Variants in GALNT14 observed in about 807,000 individuals in gnomAD.
GALNT14 encodes UDP-GalNAc:polypeptide N-acetylgalactosaminyltransferase 14.
In GALNT14, 60 loss-of-function variants were observed where a neutral mutation model predicts 77.5. That is an observed-to-expected ratio of 0.77 (90% CI 0.63 to 0.96). The LOEUF is 0.96. GALNT14 is among the 40% of genes least tolerant of loss of function. The pLI, the probability that GALNT14 is intolerant of heterozygous loss-of-function variation, is 0.00. For synonymous variants in GALNT14, 280 were observed against 281.7 expected (o/e 0.99, Z 0.06); for missense variants, 710 against 731.0 (o/e 0.97, Z 0.33).
At chr2:31,001,350 T>A (rs917186225) in intron 1 of GALNT14, among the ~76,000 whole-genome samples, 1 of 152,028 alleles carries the variant, frequency 6.6e-6, no homozygotes, top group African/African-American at 2.4e-5. Flanking sequence ...AAATACAGGA[T>A]GCGGAAACTA....
downstream of GALNT14, among the ~76,000 whole-genome samples, chr2:30,906,601 T>A (rs1356583368): frequency 6.6e-5 from 10 of 150,582 alleles, no homozygotes; most frequent in Non-Finnish European, 1.3e-4. Context: ...CTCCCACACA[T>A]TAATAATGGG....
intron 1 of GALNT14, among the ~76,000 whole-genome samples, chr2:31,011,101 G>T (rs1255047763): frequency 6.6e-6 from 1 of 152,224 alleles, no homozygotes; most frequent in Admixed American, 6.5e-5. Flanking sequence ...GGACACCCAC[G>T]AGAGCTGGGT....
downstream of GALNT14, among the ~76,000 whole-genome samples, chr2:30,908,950 C>T (rs1012888398): frequency 6.6e-6 from 1 of 151,372 alleles, no homozygotes; most frequent in Non-Finnish European, 1.5e-5. Flanking sequence ...GAAAAACAAG[C>T]AATGGGGAAA....
intron 11 of GALNT14, 49 bp from the exon 12 acceptor site, chr2:30,924,872 C>T: frequency 6.5e-7 from 1 of 1,531,862 alleles, no homozygotes; most frequent in Non-Finnish European, 9.0e-7. Flanking sequence ...ACACAGCTGT[C>T]AGAGGCAGGC....
At chr2:30,956,070 G>T (rs970262396) in intron 4 of GALNT14, 93 bp from the exon 5 acceptor site, 3 of 1,255,136 alleles carry the variant, frequency 2.4e-6, no homozygotes, top group Non-Finnish European at 3.5e-6. Flanking sequence ...AAGGGTAGGT[G>T]AGGCAGCCCT....
chr2:30,955,150 C>T (rs1667278658), intron 6 of GALNT14, among the ~76,000 whole-genome samples: 1 of 152,134 alleles, frequency 6.6e-6, no homozygotes. Flanking sequence ...GGTCTCTTAG[C>T]ATCTAGCCTG....
In GALNT14 at chr2:30,929,428, G is replaced by T; in HGVS notation, c.1118C>A (p.Ala373Asp). The T allele has an allele frequency of 6.2e-7, 1 of 1,614,166 alleles. No homozygotes were observed. The highest frequency in any genetic ancestry group is 2.2e-5 in the East Asian group (1 of 44,882). ...GGGCCTCTCCAGGGCGAATGGCCGG[G>T]CAGCGTAATAGTATTGCTTGTATTC... ...MDEYKQYYYA[A>D]RPFALERPFG... Residue 373 changes from alanine (A) to aspartate (D), a missense_variant, in exon 11 of 15, where the codon GCC (alanine) becomes GAC (aspartate). By Grantham distance (126) the Ala-to-Asp change is moderately radical. Coordinates refer to ENST00000349752, the MANE Select transcript of GALNT14 (RefSeq NM_024572.4).
At chr2:31,045,151 T>G (rs547565996) in intron 1 of GALNT14, among the ~76,000 whole-genome samples, 1 of 152,172 alleles carries the variant, frequency 6.6e-6, no homozygotes, top group Non-Finnish European at 1.5e-5. Flanking sequence ...CTGAAGGATA[T>G]GAGCAGCATC....
chr2:31,106,564 C>T (rs1434278602), intron 1 of GALNT14, among the ~76,000 whole-genome samples: 2 of 152,190 alleles, frequency 1.3e-5, no homozygotes, highest in African/African-American at 4.8e-5. Flanking sequence ...TGCCAGCTCA[C>T]ATTTCACCAC....
chr2:31,129,385 T>G (rs1238230733), intron 1 of GALNT14: 17 of 985,354 alleles, frequency 1.7e-5, no homozygotes, highest in Non-Finnish European at 2.0e-5. Flanking sequence ...TCTTATCTTC[T>G]TTTCCTGATT....
intron 1 of GALNT14, among the ~76,000 whole-genome samples, chr2:31,070,397 C>T (rs1406965495): frequency 6.6e-6 from 1 of 152,210 alleles, no homozygotes; most frequent in African/African-American, 2.4e-5. Flanking sequence ...GTCCTGTCCT[C>T]AGGAACAGAG....
At chr2:31,134,145 AC>A (rs1356949195) in intron 1 of GALNT14, among the ~76,000 whole-genome samples, 7 of 152,164 alleles carry the variant, frequency 4.6e-5, no homozygotes, top group Admixed American at 4.6e-4. Context: ...CAGAACCAGA[AC>A]CTGCCTCTCC....
intron 2 of GALNT14, among the ~76,000 whole-genome samples, chr2:30,978,661 G>T (rs1330841270): frequency 6.6e-6 from 1 of 152,162 alleles, no homozygotes; most frequent in Non-Finnish European, 1.5e-5. Flanking sequence ...ACCGGCACCT[G>T]CACTCCCAAT....
intron 1 of GALNT14, among the ~76,000 whole-genome samples, chr2:31,018,973 C>T (rs189473987): frequency 2.2e-4 from 34 of 152,198 alleles, no homozygotes; most frequent in East Asian, 1.5e-3. Context: ...CAAATGACAG[C>T]GTGAAGGGGG....
At chr2:31,058,782 T>C (rs1674401889) in intron 1 of GALNT14, among the ~76,000 whole-genome samples, 1 of 152,108 alleles carries the variant, frequency 6.6e-6, no homozygotes, top group South Asian at 2.1e-4. Context: ...ACACTACTTA[T>C]TTTTTTTGGA....
intron 1 of GALNT14, among the ~76,000 whole-genome samples, chr2:30,998,624 CTAT>C (rs1174969302): frequency 6.6e-6 from 1 of 152,196 alleles, no homozygotes; most frequent in Non-Finnish European, 1.5e-5. Flanking sequence ...TGTGTCATAA[CTAT>C]TTACATTTAA....
At chr2:30,959,296 A>G (rs11884629) in intron 3 of GALNT14, among the ~76,000 whole-genome samples, 23,538 of 151,878 alleles carry the variant, frequency 0.15, 1,843 homozygotes, top group East Asian at 0.26. Context: ...TTTGTACCTC[A>G]CCCGCCTGTG....
intron 1 of GALNT14, among the ~76,000 whole-genome samples, chr2:31,058,721 C>A (rs1446184891): frequency 2.6e-5 from 4 of 152,188 alleles, no homozygotes; most frequent in African/African-American, 7.2e-5. Context: ...ACAGACCTTT[C>A]ATACACAACG....
At chr2:30,922,215 G>C (rs1366862056) in intron 13 of GALNT14, among the ~76,000 whole-genome samples, 1 of 147,834 alleles carries the variant, frequency 6.8e-6, no homozygotes, top group Non-Finnish European at 1.5e-5. Flanking sequence ...CACTCAATCA[G>C]CCAGTGTTGA....
Sources: allele counts gnomAD v4.1 joint callset (sites outside exome capture counted in the v4.1 genomes callset), GRCh38; gene constraint gnomAD v4.1.1; transcripts MANE v1.5; gene names NCBI Gene and HGNC (gene_info 2026-07-23, HGNC 2026-07-21).